The following PTPN23 variants were observed in gnomAD, a reference collection of about 807,000 sequenced individuals.
PTPN23 encodes protein tyrosine phosphatase non-receptor type 23.
In PTPN23, 72 loss-of-function variants were observed where a neutral mutation model predicts 156.3. The ratio of observed to expected loss-of-function variants is 0.46; its 90% CI spans 0.38 to 0.56. PTPN23 has a LOEUF of 0.56. Ranked by LOEUF, PTPN23 falls within the 20% of genes least tolerant of loss-of-function variation. PTPN23 has a pLI of 0.00. For missense variants in PTPN23, 1,974 were observed against 2,171.5 expected, an observed-to-expected ratio of 0.91 and a Z score of 1.81; for synonymous variants, 957 against 899.6, an observed-to-expected ratio of 1.06 and a Z score of -1.14.
In PTPN23 at chr3:47,407,044, T is replaced by G; in HGVS notation, c.808-86T>G. 6.4e-7 allele frequency: 1 copy of G among 1,553,194 alleles called. No homozygotes were observed. Among genetic ancestry groups the G allele is most frequent in the Non-Finnish European group, 8.9e-7 (1 of 1,129,774 alleles). ...GCCTCCTGAGCTGCTTGTCATCTGA[T>G]GGACAGGCAGGGCCGGGTGGGAGGC... is the stretch of plus-strand genomic sequence containing the variant. On this transcript the variant is annotated intron_variant, in intron 9 of 24. Coordinates refer to ENST00000265562, the MANE Select transcript of PTPN23 (RefSeq NM_015466.4). This position sits in a 1 kb window ranked among gnomAD's most constrained non-coding sequence, Gnocchi z 4.0.
chr3:47,389,918 C>G (rs918748968), intron 1 of PTPN23, among the ~76,000 whole-genome samples: 2 of 142,880 alleles, frequency 1.4e-5, no homozygotes, highest in African/African-American at 5.2e-5. Context: ...ACTAAAAATA[C>G]AAAAATTAGC....
chr3:47,407,898 A>C lies in PTPN23; in HGVS notation c.1127A>C (p.Lys376Thr). 1 of 1,614,158 alleles carries C rather than the reference A, an allele frequency of 6.2e-7. No homozygotes were observed. Among genetic ancestry groups the C allele is most frequent in the Non-Finnish European group, 8.5e-7 (1 of 1,180,028 alleles). Residue 376 changes from lysine to threonine, a missense_variant, in exon 14 of 25, where the codon AAG becomes ACG. This residue lies in a region of PTPN23 where 726 missense variants were observed against 929.5 expected (regional missense o/e 0.78). Transcript: ENST00000265562. This position sits in a 1 kb window ranked among gnomAD's most constrained non-coding sequence, Gnocchi z 4.0. ...CTCTGTCGCTTCTGCAGTGAGGAGA[A>C]GGCCAAGCTGCTCCGGGAGATGATG... ...HEASSLYSEE[K>T]AKLLREMMAK...
At chr3:47,389,568 C>G (rs1465229272) in intron 1 of PTPN23, among the ~76,000 whole-genome samples, 1 of 151,646 alleles carries the variant, frequency 6.6e-6, no homozygotes, top group Non-Finnish European at 1.5e-5. Context: ...GGGCCTGGCG[C>G]AGTGGCTCAC....
In PTPN23 at chr3:47,411,994, T is replaced by TG. The variant is rs779845518; in HGVS notation, c.4073+32dup. 79 of 1,606,502 alleles carry TG rather than the reference T, an allele frequency of 4.9e-5. 1 individual carries two copies. The highest frequency in any genetic ancestry group is 6.5e-5 in the Non-Finnish European group (76 of 1,175,862). The stretch of plus-strand genomic sequence containing the variant: ...TGAGTCCACTGCTCTGGATGGTGGT[T>TG]GGGGGTCTAAGTGCTGTCCAGTCCT... On this transcript the variant is annotated intron_variant, in intron 21 of 24. Coordinates refer to ENST00000265562, the MANE Select transcript of PTPN23 (RefSeq NM_015466.4). This position sits in a 1 kb window ranked among gnomAD's most constrained non-coding sequence, Gnocchi z 6.3.
chr3:47,403,260 G>C (rs953958277), intron 2 of PTPN23, among the ~76,000 whole-genome samples: 1 of 151,844 alleles, frequency 6.6e-6, no homozygotes, highest in African/African-American at 2.4e-5. Flanking sequence ...CACCGTGTTA[G>C]CCAGGATGGT....
In PTPN23 at chr3:47,406,620, C is replaced by T. The variant is rs373292599; in HGVS notation, c.759+8C>T. The T allele has an allele frequency of 3.3e-5, 54 of 1,613,758 alleles. No individual in the cohort carries two copies. Among genetic ancestry groups the T allele is most frequent in the Middle Eastern group, 1.6e-4 (1 of 6,082 alleles). ...TTCGCAGCCGTGGCTCATGTGAGGG[C>T]CTGGGGCCCCAGGGCGGGGCAGGGC... is the stretch of plus-strand genomic sequence containing the variant. On this transcript the variant is annotated splice_region_variant and intron_variant, in intron 8 of 24. Transcript: ENST00000265562. The surrounding 1 kb of genome is among the most constrained non-coding windows in gnomAD (Gnocchi z 5.8).
chr3:47,412,494 G>C lies in PTPN23; in HGVS notation c.4318-20G>C. 6.2e-7 allele frequency: 1 copy of C among 1,612,368 alleles called. No homozygotes were observed. Among genetic ancestry groups the C allele is most frequent in the South Asian group, 1.1e-5 (1 of 90,974 alleles). ...TGACGGGCCCCTGCCCAGCTGACCTGGCCAAATGCACCTGTGCAGCTGCAC... is the reference window on the plus strand; with the variant it reads ...TGACGGGCCCCTGCCCAGCTGACCTCGCCAAATGCACCTGTGCAGCTGCAC... On this transcript the variant is annotated intron_variant, in intron 23 of 24. Coordinates refer to ENST00000265562, the MANE Select transcript of PTPN23 (RefSeq NM_015466.4).
Position 47,410,704 on chromosome 3 carries a change from C to T in PTPN23, c.2906C>T (p.Pro969Leu), listed in dbSNP as rs1705259002. ...PQPHPSQAFG[P>L]QPPQQPLPLQ... The stretch of plus-strand genomic sequence containing the variant: ...CCCCATCCTTCACAAGCGTTTGGGC[C>T]TCAGCCCCCACAGCAGCCCCTTCCA... The change falls in exon 20 of 25, where the codon CCT (proline) becomes CTT (leucine). Residue 969 changes from proline (P) to leucine (L), a missense_variant. Around this residue, in one of 4 missense-constraint regions of PTPN23, gnomAD observed 731 missense variants for 669.1 expected, o/e 1.09. Transcript: ENST00000265562. The T allele has an allele frequency of 6.3e-7, 1 of 1,599,442 alleles. No individual in the cohort carries two copies. The highest frequency in any genetic ancestry group is 1.3e-5 in the African/African-American group (1 of 74,392).
Position 47,413,307 on chromosome 3 carries a change from T to C in PTPN23, c.*122T>C. 2 of 1,395,034 alleles carry C rather than the reference T, an allele frequency of 1.4e-6. No individual in the cohort carries two copies. The highest frequency in any genetic ancestry group is 1.4e-5 in the South Asian group (1 of 72,946). 86.4% of individuals were successfully genotyped at this position (1,395,034 alleles called of 1,614,324 possible). On this transcript the variant is annotated 3_prime_UTR_variant, in exon 25 of 25. Coordinates refer to ENST00000265562, the MANE Select transcript of PTPN23 (RefSeq NM_015466.4). ...CTCCCATTTCTGCTGCCTTTGGCCC[T>C]GCCTGGCCCAGCCTGCACCCCTGTG...
chr3:47,400,608 C>T (rs936275650), intron 2 of PTPN23, among the ~76,000 whole-genome samples: 4 of 152,200 alleles, frequency 2.6e-5, no homozygotes, highest in Non-Finnish European at 5.9e-5. Context: ...AGTTTCACTC[C>T]TATTGCCCAG....
intron 1 of PTPN23, 69 bp from the exon 2 acceptor site, chr3:47,396,074 T>A: frequency 7.9e-7 from 1 of 1,271,962 alleles, no homozygotes. Context: ...TGGTTGGTGC[T>A]TGCCCAGGAC....
rs1453794740 is a variant in PTPN23, at chr3:47,405,259, G to A, written c.364+178G>A. On this transcript the variant is annotated intron_variant, in intron 4 of 24. Transcript: ENST00000265562. This position sits in a 1 kb window ranked among gnomAD's most constrained non-coding sequence, Gnocchi z 4.7. ...CTCCACTGTTTTCTGGGCTGGGCCC[G>A]TGGGGAGCCTCTGCTGGGGCGAGGC... 3.6e-5 allele frequency: 23 copies of A among 632,102 alleles called. No individual in the cohort carries two copies. The highest frequency in any genetic ancestry group is 1.1e-4 in the East Asian group (4 of 36,180). 39.2% of individuals were successfully genotyped at this position (632,102 alleles called of 1,614,324 possible).
chr3:47,406,451 C>T lies in PTPN23; in HGVS notation c.628-30C>T. ...AGGCCTTCACTTTACTGCTGACTCC[C>T]CCACTCATTGGGCCCCACCCTGTTC... On this transcript the variant is annotated intron_variant, in intron 7 of 24. Coordinates refer to ENST00000265562, the MANE Select transcript of PTPN23 (RefSeq NM_015466.4). The surrounding 1 kb of genome is among the most constrained non-coding windows in gnomAD (Gnocchi z 5.8). The T allele has an allele frequency of 8.7e-6, 14 of 1,613,926 alleles. No homozygotes were observed. Among genetic ancestry groups the T allele is most frequent in the Non-Finnish European group, 1.2e-5 (14 of 1,179,982 alleles).
In PTPN23 at chr3:47,411,623, C is replaced by T. The variant is rs150033678; in HGVS notation, c.3825C>T (p.Leu1275=). Residue 1275 remains leucine (L), a synonymous_variant, in exon 20 of 25, where the codon CTC becomes CTT. Transcript: ENST00000265562. The surrounding 1 kb of genome is among the most constrained non-coding windows in gnomAD (Gnocchi z 6.3). Reference sequence around the variant, plus strand: ...CTGGCACAGCTGCTGACTTCTGGCTCATGGTCCATGAGCAGAAAGTGTCAG... The same window carrying T: ...CTGGCACAGCTGCTGACTTCTGGCTTATGGTCCATGAGCAGAAAGTGTCAG... ...PLPGTAADFW[L]MVHEQKVSVI... is the part of the protein sequence containing the mutation. The T allele has an allele frequency of 7.7e-4, 1,239 of 1,611,828 alleles. 1 individual carries two copies. The highest frequency in any genetic ancestry group is 9.7e-4 in the Non-Finnish European group (1,150 of 1,179,622).
Position 47,410,966 on chromosome 3 carries a change from T to C in PTPN23, c.3168T>C (p.Ser1056=), listed in dbSNP as rs1269231748. Residue 1056 remains serine (S), a synonymous_variant, in exon 20 of 25, where the codon TCT becomes TCC. Coordinates refer to ENST00000265562, the MANE Select transcript of PTPN23 (RefSeq NM_015466.4). ...HPPLAYGPAP[S]TRPMGPQAAP... ...CACTGGCATATGGTCCTGCCCCTTC[T>C]ACCAGACCCATGGGCCCCCAGGCAG... The C allele has an allele frequency of 1.2e-6, 2 of 1,606,486 alleles. No homozygotes were observed. Among genetic ancestry groups the C allele is most frequent in the Admixed American group, 1.7e-5 (1 of 59,756 alleles).
chr3:47,381,299 C>T, intron 1 of PTPN23, 119 bp downstream of exon 1: 1 of 1,372,380 alleles, frequency 7.3e-7, no homozygotes, highest in South Asian at 1.4e-5. Flanking sequence ...CCGGTGAGGC[C>T]AGGAGGGGCC....
chr3:47,403,188 G>A (rs1222558982), intron 2 of PTPN23, among the ~76,000 whole-genome samples: 1 of 151,890 alleles, frequency 6.6e-6, no homozygotes, highest in East Asian at 1.9e-4. Context: ...TAGTAGCTGG[G>A]TCTACAGGTG....
At chr3:47,381,257 G>A (rs1476783969) in intron 1 of PTPN23, 77 bp downstream of exon 1, 4 of 1,531,064 alleles carry the variant, frequency 2.6e-6, no homozygotes, top group Non-Finnish European at 3.5e-6. Flanking sequence ...CCCCCTGCGC[G>A]CCCATCACCT....
rs1190893016 is a variant in PTPN23 at position 47,407,971 on chromosome 3, G to A, written c.1184+16G>A. The stretch of plus-strand genomic sequence containing the variant: ...AGGTCCTGGAGTGAGTGTGGGACTT[G>A]GGCAGGGAGGCGGAGGCAGGCAGCA... On this transcript the variant is annotated intron_variant, in intron 14 of 24. Coordinates refer to ENST00000265562, the MANE Select transcript of PTPN23 (RefSeq NM_015466.4). This position sits in a 1 kb window ranked among gnomAD's most constrained non-coding sequence, Gnocchi z 4.0. 6.2e-6 allele frequency: 10 copies of A among 1,612,572 alleles called. No homozygotes were observed. In the Middle Eastern group the frequency reaches 6.7e-4, roughly 107 times the overall value.
Sources: allele counts gnomAD v4.1 joint callset (sites outside exome capture counted in the v4.1 genomes callset), GRCh38; gene constraint gnomAD v4.1.1; regional missense constraint gnomAD v4.1.1; non-coding constraint Gnocchi (gnomAD v3.1); transcripts MANE v1.5; gene names NCBI Gene and HGNC (gene_info 2026-07-23, HGNC 2026-07-21).